The following NDE1 variants were observed in gnomAD, a reference collection of about 807,000 sequenced individuals.
NDE1 encodes the protein nuclear distribution protein nudE homolog 1.
A neutral mutation model predicts 43.4 loss-of-function variants in NDE1; 28 were observed. That is an observed-to-expected ratio of 0.65 (90% confidence interval 0.48 to 0.89). The LOEUF (loss-of-function observed/expected upper bound fraction) is 0.89. NDE1 is among the 40% of genes least tolerant of loss of function. NDE1 has a pLI of 0.00. For synonymous variants in NDE1, 184 were observed against 172.0 expected (o/e 1.07, Z -0.55); for missense variants, 441 against 434.1 (o/e 1.02, Z -0.14).
chr16:15,686,904 C>A, intron 4 of NDE1: 1 of 882,160 alleles, frequency 1.1e-6, no homozygotes, highest in Non-Finnish European at 1.4e-6. Context: ...CCCAAGCTTG[C>A]CAGGCTGGTC....
At chr16:15,709,187 T>A (rs1275010846) in intron 8 of NDE1, among the ~76,000 whole-genome samples, 1 of 152,084 alleles carries the variant, frequency 6.6e-6, no homozygotes, top group Non-Finnish European at 1.5e-5. Flanking sequence ...ATGATCTTCC[T>A]GCCTTGGCCT....
At chr16:15,695,088 G>C (rs993602271) in intron 7 of NDE1, 3 of 209,582 alleles carry the variant, frequency 1.4e-5, no homozygotes, top group African/African-American at 7.1e-5. Context: ...GAGGCTGAGA[G>C]GTGGGAGGAT....
chr16:15,724,015 A>G, intron 8 of NDE1, 176 bp from the exon 9 acceptor site: 1 of 1,401,278 alleles, frequency 7.1e-7, no homozygotes, highest in Non-Finnish European at 9.8e-7. Flanking sequence ...ATGGTCGCCC[A>G]AGACAAGATA....
intron 8 of NDE1, chr16:15,720,785 G>A: frequency 6.4e-7 from 1 of 1,556,072 alleles, no homozygotes; most frequent in Non-Finnish European, 8.8e-7. Flanking sequence ...AGTGGTGATA[G>A]GAATGAAAAA....
intron 8 of NDE1, chr16:15,699,611 A>G: frequency 8.2e-7 from 1 of 1,221,558 alleles, no homozygotes; most frequent in Non-Finnish European, 1.0e-6. Flanking sequence ...GAAAATTGAG[A>G]CCCTGTGAGA....
At chr16:15,658,749 C>T (rs1168656285) in intron 1 of NDE1, among the ~76,000 whole-genome samples, 2 of 152,178 alleles carry the variant, frequency 1.3e-5, no homozygotes, top group African/African-American at 2.4e-5. Context: ...CTCTGGCTCC[C>T]GGGTTCAAGC....
At chr16:15,708,887 A>G (rs544852537) in intron 8 of NDE1, 409 of 1,566,326 alleles carry the variant, frequency 2.6e-4, no homozygotes, top group Middle Eastern at 5.0e-4. Context: ...AGCAAACAAG[A>G]AGGAGCCCGG....
intron 3 of NDE1, chr16:15,672,661 A>G (rs1368895881): frequency 6.6e-6 from 1 of 152,158 alleles, no homozygotes; most frequent in East Asian, 1.9e-4. Flanking sequence ...GCAGCACAAC[A>G]TTTCAGCAAC....
At chr16:15,708,070 C>T (rs1034737128) in intron 8 of NDE1, among the ~76,000 whole-genome samples, 5 of 151,982 alleles carry the variant, frequency 3.3e-5, no homozygotes, top group African/African-American at 1.2e-4. Flanking sequence ...CTCCCCAGTC[C>T]CTGAACATGT....
chr16:15,719,358 C>CACCAA (rs1167208479), intron 8 of NDE1: 1 of 1,581,438 alleles, frequency 6.3e-7, no homozygotes, highest in Non-Finnish European at 8.6e-7. Context: ...GGCCAAGCCC[C>CACCAA]ACCAAGAGTC....
chr16:15,706,086 G>A (rs945031625), intron 8 of NDE1, among the ~76,000 whole-genome samples: 5 of 151,876 alleles, frequency 3.3e-5, no homozygotes, highest in Admixed American at 1.3e-4. Context: ...GAGAGACCCC[G>A]GCTGGGAAAG....
chr16:15,662,622 G>A (rs1418839862), intron 1 of NDE1, among the ~76,000 whole-genome samples: 1 of 151,958 alleles, frequency 6.6e-6, no homozygotes, highest in African/African-American at 2.4e-5. Context: ...CATCACCCAG[G>A]CTTTAGTGCA....
intron 6 of NDE1, among the ~76,000 whole-genome samples, chr16:15,692,900 CTA>C (rs1226037591): frequency 3.9e-5 from 6 of 152,066 alleles, no homozygotes; most frequent in South Asian, 2.1e-4. Context: ...CCATGCCTGG[CTA>C]TGTTTCCACA....
chr16:15,677,705 TC>T (rs2037958109), intron 3 of NDE1, 95 bp from the exon 4 acceptor site: 4 of 1,413,578 alleles, frequency 2.8e-6, no homozygotes, highest in Non-Finnish European at 3.9e-6. Flanking sequence ...CAGTTTAGCC[TC>T]CCGAGTAGCT....
rs2040737496 is a variant in NDE1, at chr16:15,726,024, C to G, written c.*1773C>G. On this transcript the variant is annotated 3_prime_UTR_variant, in exon 9 of 9. Transcript: ENST00000396354. ...GCTGTATGTCTCTCTCCTAATTTTT[C>G]TACTTACCACAGGGCCTTTGCACAC... The G allele has an allele frequency of 4.0e-6, 1 of 249,716 alleles. No individual in the cohort carries two copies. Among genetic ancestry groups the G allele is most frequent in the Admixed American group, 5.6e-5 (1 of 17,914 alleles). 15.5% of individuals were successfully genotyped at this position (249,716 alleles called of 1,614,324 possible).
intron 7 of NDE1, chr16:15,695,069 G>A (rs944527693): frequency 1.2e-5 from 3 of 240,912 alleles, no homozygotes; most frequent in Non-Finnish European, 2.0e-5. Flanking sequence ...GGTGGTCCCA[G>A]CTACTCAGGA....
intron 1 of NDE1, 65 bp from the exon 2 acceptor site, chr16:15,664,671 T>C: frequency 1.1e-6 from 1 of 922,390 alleles, no homozygotes; most frequent in African/African-American, 1.7e-5. Flanking sequence ...TTTTTTTTTT[T>C]TCTGTTAAAG....
intron 1 of NDE1, among the ~76,000 whole-genome samples, chr16:15,662,273 C>CTCTTT (rs1393098407): frequency 1.3e-5 from 2 of 148,408 alleles, no homozygotes; most frequent in Non-Finnish European, 3.0e-5. Context: ...ACGTTCCTTT[C>CTCTTT]TCTTTTCTTT....
intron 2 of NDE1, among the ~76,000 whole-genome samples, chr16:15,666,882 A>G (rs535803202): frequency 1.3e-5 from 2 of 152,266 alleles, no homozygotes; most frequent in East Asian, 3.9e-4. Context: ...GAGCCACTGT[A>G]CCCAGCCCTT....
Sources: gnomAD v4.1 joint callset for allele counts (sites outside exome capture counted in the v4.1 genomes callset) on GRCh38, gnomAD v4.1.1 for gene constraint, MANE v1.5 for transcripts, NCBI Gene and HGNC (gene_info 2026-07-23, HGNC 2026-07-21) for gene names.